ASTN2: variants seen among roughly 807,000 people sequenced by gnomAD.
ASTN2 encodes astrotactin 2.
A neutral mutation model predicts 139.8 loss-of-function variants in ASTN2; 54 were observed. The observed-to-expected ratio is 0.39, with a 90% confidence interval of 0.31 to 0.48. The LOEUF is 0.48. ASTN2 is among the 20% of genes least tolerant of loss of function. ASTN2 has a pLI of 0.95. For synonymous variants in ASTN2, 756 were observed against 719.5 expected (o/e 1.05, Z -0.81); for missense variants, 1,565 against 1,725.1 (o/e 0.91, Z 1.64).
intron 3 of ASTN2, among the ~76,000 whole-genome samples, chr9:117,183,580 T>C (rs1404713749): frequency 1.3e-5 from 2 of 152,230 alleles, no homozygotes; most frequent in Non-Finnish European, 2.9e-5. Flanking sequence ...CCCAAGGTTA[T>C]ACATAGCTAG....
intron 17 of ASTN2, among the ~76,000 whole-genome samples, chr9:116,623,528 A>G (rs1229670960): frequency 6.6e-6 from 1 of 152,156 alleles, no homozygotes; most frequent in Non-Finnish European, 1.5e-5. Flanking sequence ...CACTCCATCC[A>G]GAGTCCAATT....
chr9:117,199,053 T>G (rs1213894430), intron 3 of ASTN2, among the ~76,000 whole-genome samples: 1 of 152,238 alleles, frequency 6.6e-6, no homozygotes, highest in African/African-American at 2.4e-5. Flanking sequence ...ATGGGTAGAT[T>G]ACAAACATTT....
intron 10 of ASTN2, among the ~76,000 whole-genome samples, chr9:116,921,117 G>C (rs979351181): frequency 6.6e-6 from 1 of 152,110 alleles, no homozygotes; most frequent in African/African-American, 2.4e-5. Flanking sequence ...TGACATGGTA[G>C]GAGCAGGACC....
intron 5 of ASTN2, among the ~76,000 whole-genome samples, chr9:117,091,620 G>C (rs1434759786): frequency 1.3e-5 from 2 of 152,032 alleles, no homozygotes; most frequent in Admixed American, 6.5e-5. Context: ...CATTCCAGGA[G>C]ACAAATGTTG....
intron 10 of ASTN2, among the ~76,000 whole-genome samples, chr9:116,939,569 A>C (rs913344222): frequency 3.9e-5 from 6 of 152,188 alleles, no homozygotes; most frequent in African/African-American, 1.4e-4. Flanking sequence ...TATTTTAGAC[A>C]GATACAGCTA....
At chr9:116,857,431 T>A (rs542303578) in intron 11 of ASTN2, among the ~76,000 whole-genome samples, 1 of 152,322 alleles carries the variant, frequency 6.6e-6, no homozygotes, top group East Asian at 1.9e-4. Flanking sequence ...AAGTCTGTCT[T>A]GTCTTCTGAA....
chr9:117,359,718 G>A (rs978504885), intron 1 of ASTN2, among the ~76,000 whole-genome samples: 10 of 152,108 alleles, frequency 6.6e-5, no homozygotes, highest in African/African-American at 2.4e-4. Flanking sequence ...AAGAACACAG[G>A]AATTGAGGTC....
In ASTN2 at chr9:117,291,355, G is replaced by T. The variant is rs146216565; in HGVS notation, c.601C>A (p.Gln201Lys). 2 of 1,613,948 alleles carry T rather than the reference G, an allele frequency of 1.2e-6. No homozygotes were observed. The highest frequency in any genetic ancestry group is 2.7e-5 in the African/African-American group (2 of 74,906). Residue 201 changes from glutamine to lysine, a missense_variant, in exon 2 of 23, where the codon CAG becomes AAG. Transcript: ENST00000313400. ...LQEPSEIVEE[Q>K]MHILHISVMG... ...ACAGAAATGTGGAGGATGTGCATCT[G>T]CTCCTCAACAATCTCCGAGGGCTCC...
At chr9:117,191,604 G>C (rs1159149538) in intron 3 of ASTN2, among the ~76,000 whole-genome samples, 1 of 152,162 alleles carries the variant, frequency 6.6e-6, no homozygotes, top group African/African-American at 2.4e-5. Flanking sequence ...GAGGCAGGCT[G>C]GTTCTTTGTC....
chr9:116,618,233 C>G (rs1855949685), intron 19 of ASTN2, 91 bp downstream of exon 19: 17 of 1,374,930 alleles, frequency 1.2e-5, no homozygotes, highest in South Asian at 1.5e-5. Context: ...CTTCCCAAGA[C>G]AGATGAGACC....
At chr9:116,814,994 A>G (rs558186372) in intron 12 of ASTN2, among the ~76,000 whole-genome samples, 1 of 152,364 alleles carries the variant, frequency 6.6e-6, no homozygotes, top group South Asian at 2.1e-4. Flanking sequence ...AAAGTATTCT[A>G]TGTTAACGAT....
chr9:116,709,889 T>C (rs1200867711), intron 16 of ASTN2, among the ~76,000 whole-genome samples: 1 of 152,188 alleles, frequency 6.6e-6, no homozygotes, highest in African/African-American at 2.4e-5. Flanking sequence ...TAGAAAGCCA[T>C]AATGGTTTAT....
chr9:116,673,977 T>C (rs1457747514), intron 16 of ASTN2, among the ~76,000 whole-genome samples: 1 of 152,222 alleles, frequency 6.6e-6, no homozygotes, highest in Non-Finnish European at 1.5e-5. Context: ...GGGCATAGGC[T>C]GAACTAACTT....
At chr9:116,725,499 G>T (rs560614121) in intron 16 of ASTN2, among the ~76,000 whole-genome samples, 1 of 152,056 alleles carries the variant, frequency 6.6e-6, no homozygotes, top group Non-Finnish European at 1.5e-5. Context: ...CAAAGTACCT[G>T]CAAGAGAAGG....
intron 16 of ASTN2, among the ~76,000 whole-genome samples, chr9:116,657,381 A>G (rs372579142): frequency 6.6e-6 from 1 of 152,252 alleles, no homozygotes; most frequent in East Asian, 1.9e-4. Context: ...TGTCATAATT[A>G]CATTGCTGTT....
At chr9:117,130,680 G>A (rs1587997158) in intron 4 of ASTN2, among the ~76,000 whole-genome samples, 1 of 152,318 alleles carries the variant, frequency 6.6e-6, no homozygotes, top group East Asian at 1.9e-4. Context: ...CAGCCATATT[G>A]CTGAAAGTTT....
intron 16 of ASTN2, among the ~76,000 whole-genome samples, chr9:116,673,639 T>C (rs1859329067): frequency 6.6e-6 from 1 of 152,112 alleles, no homozygotes; most frequent in Admixed American, 6.5e-5. Flanking sequence ...GGAAATGCCA[T>C]GAGGAGGTAG....
At chr9:116,902,020 T>C (rs1406744783) in intron 10 of ASTN2, among the ~76,000 whole-genome samples, 2 of 152,124 alleles carry the variant, frequency 1.3e-5, no homozygotes, top group African/African-American at 2.4e-5. Context: ...GTGAGACTCT[T>C]GTTTCAAATA....
chr9:116,864,767 G>A (rs1036728515), intron 10 of ASTN2, among the ~76,000 whole-genome samples: 1 of 152,078 alleles, frequency 6.6e-6, no homozygotes, highest in Non-Finnish European at 1.5e-5. Flanking sequence ...ACTAGAGGGG[G>A]TGTCTCTGCA....
Sources: gnomAD v4.1 joint callset for allele counts (sites outside exome capture counted in the v4.1 genomes callset) on GRCh38, gnomAD v4.1.1 for gene constraint, MANE v1.5 for transcripts, NCBI Gene and HGNC (gene_info 2026-07-23, HGNC 2026-07-21) for gene names.